C5: variants seen among roughly 807,000 people sequenced by gnomAD.
C5 encodes complement C5.
In C5, 140 loss-of-function variants were observed where a neutral mutation model predicts 218.8. The ratio of observed to expected loss-of-function variants is 0.64; its 90% CI spans 0.56 to 0.74. The LOEUF is 0.74. Ranked by LOEUF, C5 falls within the 30% of genes least tolerant of loss-of-function variation. The pLI is 0.00. For synonymous variants in C5, 614 were observed against 682.3 expected, an observed-to-expected ratio of 0.90 and a Z score of 1.56; for missense variants, 1,700 against 1,969.6, an observed-to-expected ratio of 0.86 and a Z score of 2.59.
chr9:120,962,036 AAGT>A (rs1468798349), intron 36 of C5, among the ~76,000 whole-genome samples: 59 of 152,170 alleles, frequency 3.9e-4, no homozygotes, highest in Admixed American at 3.9e-3. Flanking sequence ...ATTTTCTAAC[AAGT>A]AGAACTGCCC....
At chr9:121,036,743 C>T (rs2047528608) in intron 4 of C5, among the ~76,000 whole-genome samples, 2 of 152,202 alleles carry the variant, frequency 1.3e-5, no homozygotes, top group African/African-American at 4.8e-5. Context: ...CCACTCTCAC[C>T]TCTCATTGGT....
chr9:120,997,816 T>C, intron 20 of C5, 42 bp from the exon 21 acceptor site: 1 of 1,572,386 alleles, frequency 6.4e-7, no homozygotes, highest in South Asian at 1.1e-5. Flanking sequence ...ACATTTTTTT[T>C]TTTTGAGACA....
intron 17 of C5, among the ~76,000 whole-genome samples, chr9:121,012,790 G>T (rs1021055174): frequency 1.3e-5 from 2 of 152,002 alleles, no homozygotes; most frequent in African/African-American, 4.8e-5. Flanking sequence ...TTTCTCCTAG[G>T]CTACAAACCT....
chr9:121,028,977 C>A (rs929633218), intron 7 of C5, among the ~76,000 whole-genome samples: 3 of 152,094 alleles, frequency 2.0e-5, no homozygotes, highest in Non-Finnish European at 4.4e-5. Context: ...TCCTATATGC[C>A]AAATTACTTC....
Position 121,037,954 on chromosome 9 carries a change from G to T in C5, c.422-3C>A. 1.4e-6 allele frequency: 2 copies of T among 1,418,892 alleles called. No homozygotes were observed. The highest frequency in any genetic ancestry group is 2.0e-6 in the Non-Finnish European group (2 of 1,022,312). 87.9% of individuals were successfully genotyped at this position (1,418,892 alleles called of 1,614,324 possible). A position where few individuals can be genotyped will look rare whatever the true frequency, so the allele number is the denominator to read the frequency against. Reference sequence around the variant, plus strand: ...CAACGAATAAACTCTAACTTTTACTGTAAGAATAATTGATATAATCAAAAA... The same window carrying T: ...CAACGAATAAACTCTAACTTTTACTTTAAGAATAATTGATATAATCAAAAA... On this transcript the variant is annotated splice_polypyrimidine_tract_variant and splice_region_variant and intron_variant, in intron 3 of 40. Coordinates refer to ENST00000223642, the MANE Select transcript of C5 (RefSeq NM_001735.3).
intron 18 of C5, 120 bp downstream of exon 18, chr9:121,008,288 A>C (rs1176435733): frequency 1.3e-6 from 1 of 756,444 alleles, no homozygotes; most frequent in Non-Finnish European, 2.3e-6. Context: ...ATTTGATCAA[A>C]TTGCAGGATC....
At chr9:121,068,881 A>C in the C5 span, among the ~76,000 whole-genome samples, 10 of 152,246 alleles carry the variant, frequency 6.6e-5, no homozygotes, top group Non-Finnish European at 1.3e-4. Context: ...CACTGGGGAA[A>C]GAATAGTCTC....
At chr9:121,034,388 T>G (rs1019704430) in intron 5 of C5, among the ~76,000 whole-genome samples, 3 of 152,198 alleles carry the variant, frequency 2.0e-5, no homozygotes, top group Non-Finnish European at 2.9e-5. Context: ...TAGATATAGC[T>G]CTGAGAACTC....
chr9:120,973,660 C>T (rs113660601), intron 30 of C5, among the ~76,000 whole-genome samples: 2 of 151,992 alleles, frequency 1.3e-5, no homozygotes, highest in African/African-American at 4.8e-5. Context: ...CAGTATGGGC[C>T]ACCAGTTTGC....
chr9:120,989,787 C>CA lies in C5; in HGVS notation c.2942-8dup. 1 of 1,607,592 alleles carries CA rather than the reference C, an allele frequency of 6.2e-7. No homozygotes were observed. Among genetic ancestry groups the CA allele is most frequent in the South Asian group, 1.1e-5 (1 of 90,906 alleles). The stretch of plus-strand genomic sequence containing the variant: ...ATCTCACCTACAAGCAGTCCTGAAA[C>CA]AAAAAAGATCAAAGTAGACACATTG... On this transcript the variant is annotated splice_polypyrimidine_tract_variant and splice_region_variant and intron_variant, in intron 23 of 40. Transcript: ENST00000223642.
chr9:121,074,456 T>G, the C5 span, among the ~76,000 whole-genome samples: 1 of 152,220 alleles, frequency 6.6e-6, no homozygotes, highest in African/African-American at 2.4e-5. Flanking sequence ...TGCGTCCGCT[T>G]TGAGGTTCAT....
intron 8 of C5, among the ~76,000 whole-genome samples, chr9:121,026,777 G>C (rs1025744449): frequency 6.6e-6 from 1 of 152,158 alleles, no homozygotes; most frequent in Non-Finnish European, 1.5e-5. Flanking sequence ...CCAGAGAAAG[G>C]CTGTCAATGT....
intron 4 of C5, among the ~76,000 whole-genome samples, chr9:121,037,100 A>C (rs957044371): frequency 6.6e-6 from 1 of 152,060 alleles, no homozygotes; most frequent in Non-Finnish European, 1.5e-5. Context: ...AATTACTGCC[A>C]ATCTTTAACT....
At chr9:121,065,607 T>C in the C5 span, among the ~76,000 whole-genome samples, 1 of 152,148 alleles carries the variant, frequency 6.6e-6, no homozygotes, top group African/African-American at 2.4e-5. Flanking sequence ...CAACTCAGCC[T>C]CCAGAGTAAC....
At position 121,013,931 on chromosome 9, in the gene C5, G is replaced by A. The variant is rs376429639; in HGVS notation, c.2199C>T (p.Val733=). 9.3e-6 allele frequency: 15 copies of A among 1,614,136 alleles called. No individual in the cohort carries two copies. The highest frequency in any genetic ancestry group is 6.6e-5 in the South Asian group (6 of 91,072). The stretch of plus-strand genomic sequence containing the variant: ...TATTAGCACGGAGCTGGCTTGCGAC[G>A]ACACAACATTCAGTGAAAGCTTTGA... ...RCIKAFTECC[V]VASQLRANIS... is the part of the protein sequence containing the mutation. Residue 733 remains valine, a synonymous_variant, in exon 17 of 41, where the codon GTC becomes GTT. Coordinates refer to ENST00000223642, the MANE Select transcript of C5 (RefSeq NM_001735.3).
chr9:121,003,997 T>C (rs1023959066), intron 20 of C5, among the ~76,000 whole-genome samples: 5 of 152,022 alleles, frequency 3.3e-5, no homozygotes, highest in African/African-American at 4.8e-5. Context: ...GTCTCCCGAG[T>C]AGCTGGGACT....
Position 120,952,494 on chromosome 9 carries a change from T to C in C5, c.*245A>G. On this transcript the variant is annotated 3_prime_UTR_variant, in exon 41 of 41. Transcript: ENST00000223642. ...GGTTTGAGGAGGTGTTCCAATTTATTGTTTCCGGTGTCCAATAACCTTGGA... is the reference window on the plus strand; with the variant it reads ...GGTTTGAGGAGGTGTTCCAATTTATCGTTTCCGGTGTCCAATAACCTTGGA... The C allele has an allele frequency of 2.4e-6, 1 of 412,408 alleles. No individual in the cohort carries two copies. 25.5% of individuals were successfully genotyped at this position (412,408 alleles called of 1,614,324 possible).
At chr9:121,025,412 G>C in intron 9 of C5, 42 bp downstream of exon 9, 1 of 484,968 alleles carries the variant, frequency 2.1e-6, no homozygotes, top group Non-Finnish European at 2.7e-6. Context: ...TTTTTCAAAA[G>C]AAAGTATACA....
intron 38 of C5, among the ~76,000 whole-genome samples, chr9:120,959,142 A>C (rs944003037): frequency 6.6e-6 from 1 of 152,126 alleles, no homozygotes; most frequent in Non-Finnish European, 1.5e-5. Flanking sequence ...TTTCCATTGC[A>C]ATGAGAAACT....
Sources: gnomAD v4.1 joint callset for allele counts (sites outside exome capture counted in the v4.1 genomes callset) on GRCh38, gnomAD v4.1.1 for gene constraint, MANE v1.5 for transcripts, NCBI Gene and HGNC (gene_info 2026-07-23, HGNC 2026-07-21) for gene names.